The following NBEAL1 variants were observed in gnomAD, a reference collection of about 807,000 sequenced individuals.
NBEAL1 encodes the protein neurobeachin like 1.
Under a neutral mutation model 351.3 loss-of-function variants are expected in NBEAL1, and 273 were observed. The observed-to-expected ratio is 0.78, with a 90% CI of 0.70 to 0.86. The LOEUF (loss-of-function observed/expected upper bound fraction) is 0.86. Ranked by LOEUF, NBEAL1 falls within the 40% of genes least tolerant of loss-of-function variation. NBEAL1 has a pLI of 0.00. For missense variants in NBEAL1, 2,961 were observed against 3,201.3 expected, an observed-to-expected ratio of 0.92 and a Z score of 1.81; for synonymous variants, 1,050 against 1,086.4, an observed-to-expected ratio of 0.97 and a Z score of 0.66.
intron 55 of NBEAL1, among the ~76,000 whole-genome samples, chr2:203,216,240 C>G (rs1461153596): frequency 6.6e-6 from 1 of 152,176 alleles, no homozygotes; most frequent in Non-Finnish European, 1.5e-5. Flanking sequence ...TTCCTGCCTT[C>G]AAGGGGCTTA....
intron 2 of NBEAL1, among the ~76,000 whole-genome samples, chr2:203,029,638 G>A (rs2060918023): frequency 6.7e-6 from 1 of 148,522 alleles, no homozygotes; most frequent in African/African-American, 2.5e-5. Context: ...GCTGCAGTGA[G>A]CCATGATTTT....
intron 39 of NBEAL1, among the ~76,000 whole-genome samples, chr2:203,171,634 T>G (rs72936304): frequency 0.092 from 13,901 of 151,300 alleles, 751 homozygotes; most frequent in Non-Finnish European, 0.12. Context: ...AAATAAAAAT[T>G]TTAAGGTATT....
At chr2:203,040,363 G>T (rs1314742826) in intron 2 of NBEAL1, 1 of 712,542 alleles carries the variant, frequency 1.4e-6, no homozygotes, top group South Asian at 1.5e-5. Flanking sequence ...AGATAAACAT[G>T]CCATGGCCTT....
intron 44 of NBEAL1, among the ~76,000 whole-genome samples, chr2:203,185,791 G>A (rs2105756337): frequency 6.6e-6 from 1 of 152,240 alleles, no homozygotes; most frequent in South Asian, 2.1e-4. Context: ...CTCCCCAAAA[G>A]TAGAAGCTTC....
At chr2:203,087,313 G>T (rs943959683) in intron 10 of NBEAL1, among the ~76,000 whole-genome samples, 4 of 150,856 alleles carry the variant, frequency 2.7e-5, no homozygotes, top group Non-Finnish European at 5.9e-5. Flanking sequence ...GGCTGGTCTG[G>T]AACTCCAGAC....
chr2:203,167,439 G>A (rs2064170101), intron 38 of NBEAL1, 79 bp downstream of exon 38: 2 of 1,358,506 alleles, frequency 1.5e-6, no homozygotes, highest in Admixed American at 2.5e-5. Context: ...ATGGAACTTT[G>A]GGCTGTATTC....
At chr2:203,080,645 T>C (rs2061855974) in intron 8 of NBEAL1, among the ~76,000 whole-genome samples, 1 of 152,218 alleles carries the variant, frequency 6.6e-6, no homozygotes, top group Non-Finnish European at 1.5e-5. Flanking sequence ...TTTTGGCACC[T>C]AGCCAGAGTC....
At chr2:203,164,986 C>G (rs375050397) in intron 36 of NBEAL1, among the ~76,000 whole-genome samples, 2 of 151,984 alleles carry the variant, frequency 1.3e-5, no homozygotes, top group East Asian at 3.9e-4. Flanking sequence ...CTCAGCCTCC[C>G]AAGTAGCTGG....
Position 203,220,800 on chromosome 2 carries a change from G to A in NBEAL1, c.*3446G>A, listed in dbSNP as rs1422056021. On this transcript the variant is annotated 3_prime_UTR_variant, in exon 56 of 56. Transcript: ENST00000683969. ...AATCAGGAAAGTATATAAAAATGAA[G>A]TTTGGCAAGTTGGTTTAGTCTTTCT... Among the ~76,000 whole-genome samples the A allele has an allele frequency of 2.0e-5, 3 of 152,128 alleles. No homozygotes were observed. Among genetic ancestry groups the A allele is most frequent in the African/African-American group, 7.2e-5 (3 of 41,434 alleles).
At chr2:203,103,946 A>G (rs995490710) in intron 12 of NBEAL1, among the ~76,000 whole-genome samples, 6 of 152,024 alleles carry the variant, frequency 3.9e-5, no homozygotes, top group Non-Finnish European at 5.9e-5. Context: ...TTCTATTTTT[A>G]TTGTACTATG....
Position 203,135,898 on chromosome 2 carries a change from C to T in NBEAL1, c.4035C>T (p.Ile1345=), listed in dbSNP as rs374617236. Residue 1345 remains isoleucine, a synonymous_variant, in exon 28 of 56, where the codon ATC becomes ATT. Coordinates refer to ENST00000683969, the MANE Select transcript of NBEAL1 (RefSeq NM_001378026.1). The part of the protein sequence containing the change: ...NSDEKTDEEK[I]TSFASANVSS... ...ATGAAAAAACAGATGAGGAAAAAAT[C>T]ACCTCTTTTGCCTCAGCTAATGTGT... 20 of 1,613,942 alleles carry T rather than the reference C, an allele frequency of 1.2e-5. No homozygotes were observed. Among genetic ancestry groups the T allele is most frequent in the Admixed American group, 1.7e-5 (1 of 59,996 alleles).
chr2:203,174,087 C>T (rs1465498214), intron 41 of NBEAL1, among the ~76,000 whole-genome samples: 2 of 149,592 alleles, frequency 1.3e-5, no homozygotes, highest in African/African-American at 2.4e-5. Context: ...TATCCACCAT[C>T]TCTTTTTTCT....
chr2:203,193,121 A>C (rs1159209810), intron 46 of NBEAL1, among the ~76,000 whole-genome samples: 3 of 151,012 alleles, frequency 2.0e-5, no homozygotes, highest in Non-Finnish European at 3.0e-5. Context: ...ATAGGTGCAC[A>C]CCACTACGCC....
At chr2:203,129,727 G>A (rs955011902) in intron 24 of NBEAL1, among the ~76,000 whole-genome samples, 1 of 152,148 alleles carries the variant, frequency 6.6e-6, no homozygotes, top group Non-Finnish European at 1.5e-5. Flanking sequence ...GAGATACAAA[G>A]TTCTATGAGG....
At chr2:203,082,942 A>G (rs2061898185) in intron 8 of NBEAL1, among the ~76,000 whole-genome samples, 1 of 152,216 alleles carries the variant, frequency 6.6e-6, no homozygotes, top group African/African-American at 2.4e-5. Context: ...TTATAAAATG[A>G]TACCCTCTTC....
intron 2 of NBEAL1, 67 bp downstream of exon 2, chr2:203,016,502 G>A: frequency 9.9e-7 from 1 of 1,008,358 alleles, no homozygotes; most frequent in Non-Finnish European, 1.4e-6. Flanking sequence ...ACTGGCAGTA[G>A]TAACACTTTA....
rs1175823044 is a variant in NBEAL1 at position 203,197,376 on chromosome 2, C to T, written c.7113C>T (p.Gly2371=). The T allele has an allele frequency of 1.3e-6, 2 of 1,599,658 alleles. No individual in the cohort carries two copies. The highest frequency in any genetic ancestry group is 3.3e-5 in the Admixed American group (2 of 59,988). The change falls in exon 48 of 56, where the codon GGC becomes GGT. Residue 2371 remains glycine (G), a synonymous_variant. Transcript: ENST00000683969. ...KNQYRSFMSQ[G]SPELLITISM... ...AGTATCGTTCTTTTATGTCTCAAGG[C>T]AGCCCTGAGTTACTGGTAAGTTGAT...
intron 27 of NBEAL1, among the ~76,000 whole-genome samples, chr2:203,133,684 A>G (rs2063127252): frequency 6.7e-6 from 1 of 150,218 alleles, no homozygotes; most frequent in Non-Finnish European, 1.5e-5. Context: ...ATTTTACCTC[A>G]TGATTTTGTC....
intron 11 of NBEAL1, among the ~76,000 whole-genome samples, chr2:203,098,741 C>G (rs1183904464): frequency 6.6e-6 from 1 of 151,934 alleles, no homozygotes; most frequent in East Asian, 1.9e-4. Context: ...AAAAACATGA[C>G]AATACTTAGA....
Sources: allele counts gnomAD v4.1 joint callset (sites outside exome capture counted in the v4.1 genomes callset), GRCh38; gene constraint gnomAD v4.1.1; transcripts MANE v1.5; gene names NCBI Gene and HGNC (gene_info 2026-07-23, HGNC 2026-07-21).